DTNBP1: variants seen among roughly 807,000 people sequenced by gnomAD.
The protein encoded by DTNBP1 is dysbindin.
A neutral mutation model predicts 42.8 loss-of-function variants in DTNBP1; 35 were observed. That is an observed-to-expected ratio of 0.82 (90% CI 0.63 to 1.09). The LOEUF (loss-of-function observed/expected upper bound fraction) is 1.09. Among genes scored for constraint, DTNBP1 ranks in the 50% least tolerant of loss-of-function variants. The probability of loss-of-function intolerance (pLI) is 0.00; values close to 1 mark genes in which losing one functional copy is unlikely to be tolerated. For synonymous variants in DTNBP1, 171 were observed against 162.2 expected, an observed-to-expected ratio of 1.05 and a Z score of -0.41; for missense variants, 457 against 424.2, an observed-to-expected ratio of 1.08 and a Z score of -0.68.
chr6:15,626,112 T>C (rs2113734882), intron 5 of DTNBP1, among the ~76,000 whole-genome samples: 1 of 152,296 alleles, frequency 6.6e-6, no homozygotes, highest in Middle Eastern at 3.4e-3. Context: ...TCCTACTGCC[T>C]CATACTGATA....
intron 1 of DTNBP1, among the ~76,000 whole-genome samples, chr6:15,661,101 G>A (rs928638288): frequency 6.6e-6 from 1 of 152,202 alleles, no homozygotes; most frequent in African/African-American, 2.4e-5. Flanking sequence ...GTGCTCAAGC[G>A]TTTGACAGTT....
intron 7 of DTNBP1, among the ~76,000 whole-genome samples, chr6:15,554,142 C>T (rs1050283324): frequency 1.3e-5 from 2 of 152,338 alleles, no homozygotes; most frequent in East Asian, 3.9e-4. Flanking sequence ...TTCATCAAGC[C>T]TAGCATGCAA....
intron 5 of DTNBP1, among the ~76,000 whole-genome samples, chr6:15,624,999 G>T (rs1484663681): frequency 2.6e-5 from 4 of 152,210 alleles, no homozygotes; most frequent in Non-Finnish European, 5.9e-5. Context: ...AAAGAATATC[G>T]TCAGCAATGA....
At chr6:15,533,136 A>G in intron 8 of DTNBP1, 104 bp downstream of exon 8, 1 of 1,556,308 alleles carries the variant, frequency 6.4e-7, no homozygotes, top group Non-Finnish European at 8.7e-7. Context: ...AACAGAACGG[A>G]ACTTCTGAGG....
chr6:15,527,738 T>C (rs947745734), intron 8 of DTNBP1, among the ~76,000 whole-genome samples: 35 of 152,042 alleles, frequency 2.3e-4, no homozygotes, highest in African/African-American at 8.4e-4. Context: ...TCATCGTAAA[T>C]AGAGATGAAA....
At chr6:15,570,575 A>C (rs2113523697) in intron 7 of DTNBP1, among the ~76,000 whole-genome samples, 1 of 152,348 alleles carries the variant, frequency 6.6e-6, no homozygotes, top group South Asian at 2.1e-4. Context: ...AACTTTTGTT[A>C]TAAAACCCAA....
intron 7 of DTNBP1, among the ~76,000 whole-genome samples, chr6:15,568,728 TA>T (rs1775207237): frequency 1.3e-5 from 2 of 152,186 alleles, no homozygotes; most frequent in Non-Finnish European, 1.5e-5. Context: ...TAGTAAATAA[TA>T]TTTTTTTGTC....
Position 15,662,857 on chromosome 6 carries a change from G to T in DTNBP1, c.13C>A (p.Leu5Ile). 1 of 1,608,138 alleles carries T rather than the reference G, an allele frequency of 6.2e-7. No individual in the cohort carries two copies. ...TGCACGCTCAGCAGCCGCTCGCGAAGGGTCTCCAGCATTGCCGCCGCCGCC... is the reference window on the plus strand; with the variant it reads ...TGCACGCTCAGCAGCCGCTCGCGAATGGTCTCCAGCATTGCCGCCGCCGCC... MLET[L>I]RERLLSVQQD... Residue 5 changes from leucine to isoleucine, a missense_variant, in exon 1 of 10, where the codon CTT (leucine) becomes ATT (isoleucine). Physicochemically the swap from Leu to Ile is conservative, Grantham distance 5. Coordinates refer to ENST00000344537, the MANE Select transcript of DTNBP1 (RefSeq NM_032122.5).
chr6:15,574,319 C>T (rs949838753), intron 7 of DTNBP1, among the ~76,000 whole-genome samples: 22 of 152,310 alleles, frequency 1.4e-4, no homozygotes, highest in African/African-American at 5.1e-4. Context: ...GCAGAGTAGA[C>T]AGCAAGAACA....
chr6:15,637,613 G>T, intron 4 of DTNBP1, 131 bp downstream of exon 4: 1 of 962,452 alleles, frequency 1.0e-6, no homozygotes, highest in African/African-American at 1.6e-5. Flanking sequence ...CATAATCAAC[G>T]ACTAGATTCA....
chr6:15,549,747 G>A (rs1774106725), intron 7 of DTNBP1, among the ~76,000 whole-genome samples: 1 of 152,112 alleles, frequency 6.6e-6, no homozygotes, highest in Admixed American at 6.5e-5. Flanking sequence ...CCGAAGCCTT[G>A]TGAAAAGTTT....
At chr6:15,551,902 C>A (rs189767078) in intron 7 of DTNBP1, among the ~76,000 whole-genome samples, 1 of 152,314 alleles carries the variant, frequency 6.6e-6, no homozygotes, top group Non-Finnish European at 1.5e-5. Context: ...AAAGCCACAG[C>A]CAGCAGTCAC....
At position 15,655,099 on chromosome 6, in the gene DTNBP1, G is replaced by T. The variant is rs1761209289; in HGVS notation, c.57-2959C>A. 2.0e-5 allele frequency among the ~76,000 whole-genome samples: 3 copies of T among 152,084 alleles called. No homozygotes were observed. The South Asian group carries it at 6.2e-4, about 32-fold the overall frequency. Reference sequence around the variant, plus strand: ...TGTGGTTCATTGTGTTATTCTATTTGTGTGTGTGTTTGAGACTTTGTAAAA... The same window carrying T: ...TGTGGTTCATTGTGTTATTCTATTTTTGTGTGTGTTTGAGACTTTGTAAAA... On this transcript the variant is annotated intron_variant, in intron 1 of 9. Transcript: ENST00000344537.
intron 7 of DTNBP1, among the ~76,000 whole-genome samples, chr6:15,576,451 CAA>C (rs1775576562): frequency 6.6e-6 from 1 of 150,610 alleles, no homozygotes; most frequent in African/African-American, 2.4e-5. Context: ...CTATTCATGT[CAA>C]GTGATATTGG....
chr6:15,593,071 C>T lies in DTNBP1; in HGVS notation c.499G>A (p.Glu167Lys). The T allele has an allele frequency of 1.3e-6, 2 of 1,573,292 alleles. No homozygotes were observed. The highest frequency in any genetic ancestry group is 1.8e-5 in the Admixed American group (1 of 56,198). Residue 167 changes from glutamate to lysine, a missense_variant, in exon 7 of 10, where the codon GAA becomes AAA. Glu to Lys is a moderately conservative substitution (Grantham distance 56). Transcript: ENST00000344537. ...AACACAAAATTACCTTTGAAGGTTT[C>T]AAGTTCCTTCCTGTAGGAAAAAAAA... is the stretch of plus-strand genomic sequence containing the variant. ...NYKKNKRKEL[E>K]TFKAELDAEH...
intron 6 of DTNBP1, among the ~76,000 whole-genome samples, chr6:15,613,126 G>A (rs1024448991): frequency 1.3e-5 from 2 of 151,690 alleles, no homozygotes; most frequent in Non-Finnish European, 2.9e-5. Context: ...TGGCCAACAC[G>A]GTGAAACTCC....
intron 6 of DTNBP1, among the ~76,000 whole-genome samples, chr6:15,593,514 G>A (rs1776382765): frequency 6.6e-6 from 1 of 152,148 alleles, no homozygotes; most frequent in South Asian, 2.1e-4. Flanking sequence ...CAAAATAGAA[G>A]CAGTTGTTTT....
intron 1 of DTNBP1, chr6:15,660,597 C>A: frequency 7.9e-7 from 1 of 1,266,436 alleles, no homozygotes; most frequent in Non-Finnish European, 1.0e-6. Context: ...CCCCAGACTA[C>A]GGCATCTTTA....
intron 7 of DTNBP1, among the ~76,000 whole-genome samples, chr6:15,553,720 T>C (rs1465041682): frequency 2.6e-5 from 4 of 152,008 alleles, no homozygotes; most frequent in Non-Finnish European, 4.4e-5. Context: ...ATTTTTCTTT[T>C]TTCCTTCCTT....
Sources: gnomAD v4.1 joint callset for allele counts (sites outside exome capture counted in the v4.1 genomes callset) on GRCh38, gnomAD v4.1.1 for gene constraint, MANE v1.5 for transcripts, NCBI Gene and HGNC (gene_info 2026-07-23, HGNC 2026-07-21) for gene names.